Variants in ROCK2 observed in about 807,000 individuals in gnomAD.
ROCK2 encodes rho-associated protein kinase 2.
ROCK2 carries 61 observed loss-of-function variants against 195.1 expected under a neutral mutation model. The observed-to-expected ratio is 0.31, with a 90% CI of 0.25 to 0.39. The LOEUF (loss-of-function observed/expected upper bound fraction) is 0.39. Among genes scored for constraint, ROCK2 ranks in the 10% least tolerant of loss-of-function variants. The pLI is 1.00. For missense variants in ROCK2, 1,109 were observed against 1,637.4 expected (o/e 0.68, Z 5.57); for synonymous variants, 504 against 545.5 (o/e 0.92, Z 1.06).
At chr2:11,273,639 A>AGATCTTAGG (rs889371070) in intron 3 of ROCK2, among the ~76,000 whole-genome samples, 14 of 152,198 alleles carry the variant, frequency 9.2e-5, no homozygotes, top group African/African-American at 3.4e-4. Flanking sequence ...TAAACTAACT[A>AGATCTTAGG]GATCTTAGGG....
intron 4 of ROCK2, among the ~76,000 whole-genome samples, chr2:11,248,764 ATAAATTCCT>A (rs1309045612): frequency 2.0e-5 from 3 of 150,386 alleles, no homozygotes; most frequent in Non-Finnish European, 4.4e-5. Flanking sequence ...AAGCAGAACC[ATAAATTCCT>A]TAACCCACAG....
intron 4 of ROCK2, among the ~76,000 whole-genome samples, chr2:11,245,215 A>G (rs1665571166): frequency 6.7e-6 from 1 of 149,912 alleles, no homozygotes; most frequent in Non-Finnish European, 1.5e-5. Flanking sequence ...TGTATAAAAT[A>G]TAAATTATAT....
intron 5 of ROCK2, among the ~76,000 whole-genome samples, chr2:11,228,400 C>G (rs1664885927): frequency 6.6e-6 from 1 of 152,032 alleles, no homozygotes; most frequent in African/African-American, 2.4e-5. Flanking sequence ...CTCAAATTGG[C>G]AGAACTAACT....
At chr2:11,227,656 G>C (rs1242262718) in intron 5 of ROCK2, among the ~76,000 whole-genome samples, 1 of 152,068 alleles carries the variant, frequency 6.6e-6, no homozygotes, top group Non-Finnish European at 1.5e-5. Context: ...AAAAAAGTTT[G>C]GTAAAATGGA....
chr2:11,272,948 A>C (rs80107573), intron 3 of ROCK2, among the ~76,000 whole-genome samples: 5 of 151,746 alleles, frequency 3.3e-5, no homozygotes, highest in Non-Finnish European at 4.4e-5. Flanking sequence ...CTGAATTTTT[A>C]TAAGTTTAGG....
chr2:11,201,082 G>A lies in ROCK2; in HGVS notation c.2785C>T (p.Arg929Cys), dbSNP rs1663834219. Reference sequence around the variant, plus strand: ...GAATATTGTTCTTCAGCAATTGAACGAGCCAGTTGCTCAGAATCTGCTTTG... The same window carrying A: ...GAATATTGTTCTTCAGCAATTGAACAAGCCAGTTGCTCAGAATCTGCTTTG... ...LTKADSEQLA[R>C]SIAEEQYSDL... Residue 929 changes from arginine to cysteine, a missense_variant, in exon 23 of 33, where the codon CGT (arginine) becomes TGT (cysteine). Physicochemically the swap from Arg to Cys is radical, Grantham distance 180 (BLOSUM62 -3). This residue lies in a region of ROCK2 where 542 missense variants were observed against 672.0 expected (regional missense o/e 0.81). Transcript: ENST00000315872. The surrounding 1 kb of genome is among the most constrained non-coding windows in gnomAD (Gnocchi z 4.6). 6.2e-7 allele frequency: 1 copy of A among 1,613,152 alleles called. No individual in the cohort carries two copies. The highest frequency in any genetic ancestry group is 8.5e-7 in the Non-Finnish European group (1 of 1,179,636).
At chr2:11,248,602 G>A (rs1479305231) in intron 4 of ROCK2, among the ~76,000 whole-genome samples, 2 of 147,870 alleles carry the variant, frequency 1.4e-5, no homozygotes, top group African/African-American at 2.5e-5. Context: ...CCAGCTATTC[G>A]AGAGACTGAG....
chr2:11,330,397 AAAC>A (rs745727934), intron 1 of ROCK2, among the ~76,000 whole-genome samples: 13 of 152,304 alleles, frequency 8.5e-5, no homozygotes, highest in South Asian at 4.1e-4. Flanking sequence ...TATAACTCTA[AAAC>A]AACAAAGTTA....
At position 11,249,687 on chromosome 2, in the gene ROCK2, A is replaced by G; in HGVS notation, c.436T>C (p.Phe146Leu). Residue 146 changes from phenylalanine (F) to leucine (L), a missense_variant, in exon 4 of 33, where the codon TTT (phenylalanine) becomes CTT (leucine). Transcript: ENST00000315872. ...TGAACCACCCAGGGGCTATTGGCAAAGGCCATAATATCTCTTTCTTCCCAA... is the reference window on the plus strand; with the variant it reads ...TGAACCACCCAGGGGCTATTGGCAAGGGCCATAATATCTCTTTCTTCCCAA... ...FFWEERDIMA[F>L]ANSPWVVQLF... is the part of the protein sequence containing the mutation. 1 of 1,561,144 alleles carries G rather than the reference A, an allele frequency of 6.4e-7. No individual in the cohort carries two copies. Among genetic ancestry groups the G allele is most frequent in the Non-Finnish European group, 8.6e-7 (1 of 1,157,638 alleles).
At chr2:11,242,924 C>T (rs1402721622) in intron 4 of ROCK2, among the ~76,000 whole-genome samples, 1 of 152,168 alleles carries the variant, frequency 6.6e-6, no homozygotes, top group African/African-American at 2.4e-5. Flanking sequence ...GGAGAACTCT[C>T]TCTCTAGTGC....
chr2:11,186,919 C>A (rs1347896271), intron 32 of ROCK2, among the ~76,000 whole-genome samples: 2 of 152,170 alleles, frequency 1.3e-5, no homozygotes, highest in Non-Finnish European at 2.9e-5. Context: ...GCGCTCTGTT[C>A]ATCCCTATAT....
At chr2:11,293,843 A>C (rs1373139486) in intron 1 of ROCK2, among the ~76,000 whole-genome samples, 3 of 152,174 alleles carry the variant, frequency 2.0e-5, no homozygotes, top group Non-Finnish European at 4.4e-5. Context: ...AGAGGCATTA[A>C]CGATAGCATA....
chr2:11,195,082 G>T, intron 27 of ROCK2, 57 bp from the exon 28 acceptor site: 4 of 910,990 alleles, frequency 4.4e-6, no homozygotes, highest in East Asian at 2.6e-5. Flanking sequence ...AGATAACAAA[G>T]AACTTAATAA....
chr2:11,274,571 C>A (rs995420518), intron 3 of ROCK2, among the ~76,000 whole-genome samples: 5 of 152,130 alleles, frequency 3.3e-5, no homozygotes, highest in African/African-American at 4.8e-5. Context: ...ACACAAAAAA[C>A]CAGAAAATAT....
intron 20 of ROCK2, among the ~76,000 whole-genome samples, chr2:11,205,943 T>C (rs1458983635): frequency 6.6e-6 from 1 of 152,006 alleles, no homozygotes; most frequent in Non-Finnish European, 1.5e-5. Flanking sequence ...ACCCTATCTC[T>C]ACTAAAAATA....
chr2:11,305,506 GT>G (rs1667833562), intron 1 of ROCK2, among the ~76,000 whole-genome samples: 1 of 151,860 alleles, frequency 6.6e-6, no homozygotes, highest in Admixed American at 6.6e-5. Context: ...CTTCCTGGAT[GT>G]GACCACTGAA....
At chr2:11,300,375 T>C (rs541625915) in intron 1 of ROCK2, among the ~76,000 whole-genome samples, 1 of 152,334 alleles carries the variant, frequency 6.6e-6, no homozygotes, top group African/African-American at 2.4e-5. Flanking sequence ...GAGATTCTCC[T>C]GCCTCAGCCT....
intron 3 of ROCK2, among the ~76,000 whole-genome samples, chr2:11,281,503 T>C (rs1403405499): frequency 6.6e-6 from 1 of 152,314 alleles, no homozygotes; most frequent in East Asian, 1.9e-4. Context: ...CAAGTCATTA[T>C]ACCAAGTTGC....
rs767520743 is a variant in ROCK2, at chr2:11,344,025, G to C, written c.112C>G (p.Arg38Gly). 1 of 1,590,256 alleles carries C rather than the reference G, an allele frequency of 6.3e-7. No homozygotes were observed. Residue 38 changes from arginine to glycine, a missense_variant, in exon 1 of 33, where the codon CGC (arginine) becomes GGC (glycine). Arg to Gly is a moderately radical substitution (Grantham distance 125). Transcript: ENST00000315872. The surrounding 1 kb of genome is among the most constrained non-coding windows in gnomAD (Gnocchi z 5.4). ...AAGCTCTCCACGTTGATGGGGGAGCGAGGGTCTCGGATCAGCGCCTCCAGC... is the reference window on the plus strand; with the variant it reads ...AAGCTCTCCACGTTGATGGGGGAGCCAGGGTCTCGGATCAGCGCCTCCAGC... ...RKLEALIRDPRSPINVESLLD... is the reference protein window; with the variant it reads ...RKLEALIRDPGSPINVESLLD...
Sources: gnomAD v4.1 joint callset for allele counts (sites outside exome capture counted in the v4.1 genomes callset) on GRCh38, gnomAD v4.1.1 for gene constraint, gnomAD v4.1.1 regional missense constraint, Gnocchi (gnomAD v3.1) non-coding constraint, MANE v1.5 for transcripts, NCBI Gene and HGNC (gene_info 2026-07-23, HGNC 2026-07-21) for gene names.